The following CERS6 variants were observed in gnomAD, a reference collection of about 807,000 sequenced individuals.
The protein encoded by CERS6 is ceramide synthase 6, also known as LAG1 homolog, ceramide synthase 6.
A neutral mutation model predicts 56.8 loss-of-function variants in CERS6; 26 were observed. The observed-to-expected ratio is 0.46, with a 90% CI of 0.34 to 0.63. The LOEUF (loss-of-function observed/expected upper bound fraction) is 0.63. Ranked by LOEUF, CERS6 falls within the 30% of genes least tolerant of loss-of-function variation. The pLI, the probability that CERS6 is intolerant of heterozygous loss-of-function variation, is 0.01. For synonymous variants in CERS6, 164 were observed against 173.3 expected (o/e 0.95, Z 0.42); for missense variants, 415 against 467.5 (o/e 0.89, Z 1.04).
At chr2:168,718,050 A>C in intron 8 of CERS6, 72 bp downstream of exon 8, 1 of 1,070,862 alleles carries the variant, frequency 9.3e-7, no homozygotes, top group Non-Finnish European at 1.4e-6. Context: ...TTTCCTTTTG[A>C]ATTTTACTGT....
intron 1 of CERS6, among the ~76,000 whole-genome samples, chr2:168,469,092 A>G (rs183618426): frequency 4.5e-3 from 689 of 152,366 alleles, no homozygotes; most frequent in Non-Finnish European, 7.0e-3. Context: ...CACATTTATG[A>G]AAATGGAAAC....
chr2:168,460,193 TTTTTC>T (rs1182955608), intron 1 of CERS6, among the ~76,000 whole-genome samples: 1 of 152,082 alleles, frequency 6.6e-6, no homozygotes, highest in Non-Finnish European at 1.5e-5. Flanking sequence ...ATGTCTTTTT[TTTTTC>T]TTTTCTTTTT....
chr2:168,501,717 C>T (rs998380378), intron 1 of CERS6, among the ~76,000 whole-genome samples: 1 of 152,188 alleles, frequency 6.6e-6, no homozygotes, highest in Non-Finnish European at 1.5e-5. Flanking sequence ...TCAATCTGCT[C>T]AACTAGCCCA....
intron 4 of CERS6, among the ~76,000 whole-genome samples, chr2:168,647,872 T>C (rs1384303027): frequency 5.9e-5 from 9 of 152,180 alleles, no homozygotes; most frequent in Non-Finnish European, 1.3e-4. Context: ...TACTTGATCA[T>C]GATGGATTAG....
chr2:168,688,481 T>A (rs968171802), intron 4 of CERS6, among the ~76,000 whole-genome samples: 1 of 152,056 alleles, frequency 6.6e-6, no homozygotes, highest in African/African-American at 2.4e-5. Context: ...ACACCAGTGT[T>A]GAGCTATAAG....
intron 6 of CERS6, among the ~76,000 whole-genome samples, chr2:168,701,027 T>C (rs1377350506): frequency 6.6e-6 from 1 of 152,114 alleles, no homozygotes; most frequent in African/African-American, 2.4e-5. Context: ...GCTGGAGTAT[T>C]ATAGTTGCCG....
At chr2:168,711,316 C>T (rs945542301) in intron 6 of CERS6, among the ~76,000 whole-genome samples, 7 of 152,130 alleles carry the variant, frequency 4.6e-5, no homozygotes, top group Non-Finnish European at 7.3e-5. Flanking sequence ...CTCCCACACT[C>T]GCTCCCCGCC....
chr2:168,536,792 A>G (rs1574050191), intron 1 of CERS6, among the ~76,000 whole-genome samples: 1 of 152,104 alleles, frequency 6.6e-6, no homozygotes. Flanking sequence ...AAAATGTTCA[A>G]ATGTTAATAA....
At chr2:168,597,271 T>A (rs1186661538) in intron 3 of CERS6, among the ~76,000 whole-genome samples, 1 of 152,170 alleles carries the variant, frequency 6.6e-6, no homozygotes, top group East Asian at 1.9e-4. Context: ...AATTGCATGC[T>A]TGTAAAAAGT....
chr2:168,671,253 C>T (rs1466720673), intron 4 of CERS6, among the ~76,000 whole-genome samples: 1 of 152,128 alleles, frequency 6.6e-6, no homozygotes. Flanking sequence ...ACATGAGCCG[C>T]TGGGCCCGGC....
At chr2:168,696,698 G>C (rs986132370) in intron 6 of CERS6, among the ~76,000 whole-genome samples, 2 of 152,186 alleles carry the variant, frequency 1.3e-5, no homozygotes, top group Admixed American at 6.5e-5. Flanking sequence ...CTCACATGGT[G>C]GAAGGGGCAA....
In CERS6 at chr2:168,607,622, C is replaced by T. The variant is rs377060863; in HGVS notation, c.408-23363C>T. On this transcript the variant is annotated intron_variant, in intron 3 of 9. Transcript: ENST00000305747. The stretch of plus-strand genomic sequence containing the variant: ...ATCTCGATCTCCTGATCTTGTGATC[C>T]GCCTGCCTCGGCCTTCCAAAGTGCT... Among the ~76,000 whole-genome samples, 46 of 152,228 alleles carry T rather than the reference C, an allele frequency of 3.0e-4. No individual in the cohort carries two copies. In the Middle Eastern group the frequency reaches 0.01, roughly 34 times the overall value.
chr2:168,742,418 T>C (rs1683941118), intron 8 of CERS6, among the ~76,000 whole-genome samples: 1 of 152,228 alleles, frequency 6.6e-6, no homozygotes, highest in African/African-American at 2.4e-5. Context: ...TCAATTGGTA[T>C]GGCCACGAGG....
intron 4 of CERS6, among the ~76,000 whole-genome samples, chr2:168,684,476 T>C (rs1453535437): frequency 1.3e-5 from 2 of 152,374 alleles, no homozygotes; most frequent in Middle Eastern, 3.4e-3. Flanking sequence ...TTCCGAGTTA[T>C]TTTATAATGT....
intron 3 of CERS6, among the ~76,000 whole-genome samples, chr2:168,596,553 C>T (rs944774179): frequency 7.3e-6 from 1 of 136,628 alleles, no homozygotes. Context: ...CCATCCCCCC[C>T]CCTTTTTTTT....
intron 1 of CERS6, among the ~76,000 whole-genome samples, chr2:168,507,804 C>A (rs993812991): frequency 6.6e-6 from 1 of 152,172 alleles, no homozygotes; most frequent in Non-Finnish European, 1.5e-5. Context: ...ACTTGACATT[C>A]TTTTCTGAGA....
intron 6 of CERS6, among the ~76,000 whole-genome samples, chr2:168,709,460 A>G (rs557594350): frequency 2.6e-5 from 4 of 152,216 alleles, no homozygotes; most frequent in East Asian, 3.9e-4. Context: ...CTACTGAAAT[A>G]AAGGTCAACA....
chr2:168,622,623 A>G (rs1255313552), intron 3 of CERS6, among the ~76,000 whole-genome samples: 1 of 152,222 alleles, frequency 6.6e-6, no homozygotes, highest in African/African-American at 2.4e-5. Context: ...TGACTGGAGA[A>G]TGAAAAGTGA....
intron 4 of CERS6, among the ~76,000 whole-genome samples, chr2:168,642,548 T>A (rs1450883934): frequency 6.6e-6 from 1 of 152,202 alleles, no homozygotes; most frequent in Non-Finnish European, 1.5e-5. Flanking sequence ...TGCTTCATGA[T>A]GTCTCCATTA....
Sources: allele counts gnomAD v4.1 joint callset (sites outside exome capture counted in the v4.1 genomes callset), GRCh38; gene constraint gnomAD v4.1.1; transcripts MANE v1.5; gene names NCBI Gene and HGNC (gene_info 2026-07-23, HGNC 2026-07-21).